The following ZMYM1 variants were observed in gnomAD, a reference collection of about 807,000 sequenced individuals.
ZMYM1 encodes the protein zinc finger MYM-type protein 1.
ZMYM1 carries 39 observed loss-of-function variants against 60.0 expected under a neutral mutation model. The observed-to-expected ratio is 0.65, with a 90% CI of 0.50 to 0.85. The LOEUF (loss-of-function observed/expected upper bound fraction) is 0.85. ZMYM1 is among the 40% of genes least tolerant of loss of function. ZMYM1 has a pLI of 0.00. For synonymous variants in ZMYM1, 413 were observed against 454.0 expected (o/e 0.91, Z 1.15); for missense variants, 1,171 against 1,309.5 (o/e 0.89, Z 1.63).
chr1:35,089,343 T>G (rs547314721), intron 1 of ZMYM1, among the ~76,000 whole-genome samples: 1 of 152,298 alleles, frequency 6.6e-6, no homozygotes, highest in African/African-American at 2.4e-5. Context: ...TAATGACAAA[T>G]AGTTAATTTT....
At chr1:35,097,295 TC>T (rs750050976) in intron 3 of ZMYM1, 21 bp from the exon 4 acceptor site, 1 of 1,550,386 alleles carries the variant, frequency 6.5e-7, no homozygotes, top group African/African-American at 1.4e-5. Flanking sequence ...AATTTTTTTT[TC>T]TCCCTCTTGT....
intron 4 of ZMYM1, among the ~76,000 whole-genome samples, chr1:35,098,326 G>C (rs1643451205): frequency 6.6e-6 from 1 of 152,138 alleles, no homozygotes; most frequent in Non-Finnish European, 1.5e-5. Context: ...ATTTATGTGA[G>C]AATGTGTGAA....
At chr1:35,087,730 G>C (rs536745346) in intron 1 of ZMYM1, among the ~76,000 whole-genome samples, 2 of 152,000 alleles carry the variant, frequency 1.3e-5, no homozygotes, top group East Asian at 3.9e-4. Flanking sequence ...GCCTGGCCTC[G>C]AAACTTGCAG....
chr1:35,106,875 G>A (rs904638734), intron 6 of ZMYM1, among the ~76,000 whole-genome samples: 7 of 150,808 alleles, frequency 4.6e-5, no homozygotes, highest in Admixed American at 6.6e-5. Flanking sequence ...TTTTTGAGAC[G>A]GAGTCTCGCT....
intron 1 of ZMYM1, among the ~76,000 whole-genome samples, chr1:35,089,731 T>A (rs1048452355): frequency 3.6e-5 from 5 of 139,006 alleles, no homozygotes; most frequent in African/African-American, 1.3e-4. Context: ...AATGATTAGT[T>A]GTAAGGCTTT....
chr1:35,097,585 T>C lies in ZMYM1; in HGVS notation c.419+19T>C, dbSNP rs1436522419. 1 of 1,613,010 alleles carries C rather than the reference T, an allele frequency of 6.2e-7. No homozygotes were observed. The highest frequency in any genetic ancestry group is 2.2e-5 in the East Asian group (1 of 44,880). ...GCTCAAAGTATATAATTCTAAATTA[T>C]GCCCCCTTTTATTTCCCTACCTTGT... is the stretch of plus-strand genomic sequence containing the variant. On this transcript the variant is annotated intron_variant, in intron 4 of 9. Coordinates refer to ENST00000359858, the MANE Select transcript of ZMYM1 (RefSeq NM_024772.5).
At chr1:35,074,934 C>T (rs140208021), upstream of ZMYM1, among the ~76,000 whole-genome samples, 13,733 of 151,622 alleles carry the variant, frequency 0.091, 1,949 homozygotes, top group African/African-American at 0.3. Context: ...GATCTCGGCT[C>T]ACTGCAAGCT....
chr1:35,081,984 C>T (rs935415319), intron 1 of ZMYM1, among the ~76,000 whole-genome samples: 10 of 152,192 alleles, frequency 6.6e-5, no homozygotes, highest in South Asian at 2.1e-4. Context: ...TGAGCCACTG[C>T]ACCTGGCCAA....
At chr1:35,068,254 A>G (rs1642005975) in intron 1 of ZMYM1, among the ~76,000 whole-genome samples, 1 of 151,812 alleles carries the variant, frequency 6.6e-6, no homozygotes, top group South Asian at 2.1e-4. Flanking sequence ...CTCCGTCTCT[A>G]CTAAAAATAC....
intron 4 of ZMYM1, among the ~76,000 whole-genome samples, chr1:35,100,019 T>A (rs1309744142): frequency 6.6e-6 from 1 of 152,172 alleles, no homozygotes; most frequent in Non-Finnish European, 1.5e-5. Flanking sequence ...GCCTCCCAAG[T>A]AGCTGGGATT....
chr1:35,097,890 C>G (rs1016968308), intron 4 of ZMYM1, among the ~76,000 whole-genome samples: 32 of 152,170 alleles, frequency 2.1e-4, no homozygotes, highest in African/African-American at 7.7e-4. Flanking sequence ...CTCAGGTGAT[C>G]CGCTTGCCTT....
In ZMYM1 at chr1:35,114,786, T is replaced by A. The variant is rs779171552; in HGVS notation, c.2956T>A (p.Phe986Ile). ...AAATTTAAAGTTATGTTTTTCGGAG[T>A]TTGATTATTGCAAAATAAAGCAAAT... ...LQNLKLCFSE[F>I]DYCKIKQISE... is the part of the protein sequence containing the mutation. Residue 986 changes from phenylalanine (F) to isoleucine (I), a missense_variant, in exon 10 of 10, where the codon TTT (phenylalanine) becomes ATT (isoleucine). Transcript: ENST00000359858. 1 of 1,603,272 alleles carries A rather than the reference T, an allele frequency of 6.2e-7. No homozygotes were observed. Among genetic ancestry groups the A allele is most frequent in the South Asian group, 1.1e-5 (1 of 89,048 alleles).
chr1:35,087,438 T>G (rs1420059237), intron 1 of ZMYM1, among the ~76,000 whole-genome samples: 1 of 151,704 alleles, frequency 6.6e-6, no homozygotes, highest in Non-Finnish European at 1.5e-5. Context: ...TTTCTTTTTT[T>G]TTTTTGAGAT....
Position 35,112,122 on chromosome 1 carries a change from A to G in ZMYM1, c.1138A>G (p.Ile380Val), listed in dbSNP as rs1644108739. The G allele has an allele frequency of 1.9e-6, 3 of 1,613,302 alleles. No individual in the cohort carries two copies. In the African/African-American group the frequency reaches 4.0e-5, roughly 22 times the overall value. The part of the protein sequence containing the change: ...VSSVTATADV[I>V]VDLSKSSPSE... Reference sequence around the variant, plus strand: ...TTCAGTAACAGCAACAGCAGATGTCATTGTGGATGTAAGTTTTAACTTTTT... The same window carrying G: ...TTCAGTAACAGCAACAGCAGATGTCGTTGTGGATGTAAGTTTTAACTTTTT... Residue 380 changes from isoleucine to valine, a missense_variant, in exon 9 of 10, where the codon ATT becomes GTT. By Grantham distance (29) the Ile-to-Val change is conservative. Transcript: ENST00000359858.
In ZMYM1 at chr1:35,115,376, C is replaced by T; in HGVS notation, c.*117C>T. Reference sequence around the variant, plus strand: ...ATAAACAGTGAAGTCTCCTTCCCTCCTTTAGAACTCATTTTCTCTTCCCAA... The same window carrying T: ...ATAAACAGTGAAGTCTCCTTCCCTCTTTTAGAACTCATTTTCTCTTCCCAA... On this transcript the variant is annotated 3_prime_UTR_variant, in exon 10 of 10. Coordinates refer to ENST00000359858, the MANE Select transcript of ZMYM1 (RefSeq NM_024772.5). 3.3e-6 allele frequency: 4 copies of T among 1,205,250 alleles called. No homozygotes were observed. The highest frequency in any genetic ancestry group is 3.4e-6 in the Non-Finnish European group (3 of 894,204). 74.7% of individuals were successfully genotyped at this position (1,205,250 alleles called of 1,614,324 possible).
chr1:35,083,080 G>A (rs1642473745), intron 1 of ZMYM1, among the ~76,000 whole-genome samples: 1 of 151,978 alleles, frequency 6.6e-6, no homozygotes, highest in African/African-American at 2.4e-5. Flanking sequence ...TATTTTTACT[G>A]AATATAGAAT....
At chr1:35,070,433 G>T (rs950773409) in intron 1 of ZMYM1, among the ~76,000 whole-genome samples, 1 of 151,992 alleles carries the variant, frequency 6.6e-6, no homozygotes, top group Non-Finnish European at 1.5e-5. Flanking sequence ...TGTTGATTTT[G>T]TATCCTGCAA....
intron 1 of ZMYM1, among the ~76,000 whole-genome samples, chr1:35,085,662 T>G (rs555633010): frequency 3.3e-5 from 5 of 152,340 alleles, no homozygotes; most frequent in African/African-American, 1.2e-4. Context: ...CCTCCTTCCT[T>G]GAACAGTCAT....
intron 6 of ZMYM1, among the ~76,000 whole-genome samples, chr1:35,106,055 A>G (rs4073223): frequency 0.81 from 123,561 of 152,056 alleles, 51,203 homozygotes; most frequent in Non-Finnish European, 0.9. Flanking sequence ...AGGAGTTCAG[A>G]ACCAGCCTGA....
Sources: allele counts gnomAD v4.1 joint callset (sites outside exome capture counted in the v4.1 genomes callset), GRCh38; gene constraint gnomAD v4.1.1; transcripts MANE v1.5; gene names NCBI Gene and HGNC (gene_info 2026-07-23, HGNC 2026-07-21).